ADAMTS6: variants seen among roughly 807,000 people sequenced by gnomAD.
ADAMTS6 encodes the protein ADAM metallopeptidase with thrombospondin type 1 motif 6.
A neutral mutation model predicts 144.3 loss-of-function variants in ADAMTS6; 23 were observed. The ratio of observed to expected loss-of-function variants is 0.16; its 90% CI spans 0.11 to 0.23. ADAMTS6 has a LOEUF of 0.23. Among genes scored for constraint, ADAMTS6 ranks in the 10% least tolerant of loss-of-function variants. The probability of loss-of-function intolerance (pLI) is 1.00; values close to 1 mark genes in which losing one functional copy is unlikely to be tolerated. For missense variants in ADAMTS6, 999 were observed against 1,379.6 expected (o/e 0.72, Z 4.37); for synonymous variants, 444 against 457.5 (o/e 0.97, Z 0.38).
intron 22 of ADAMTS6, among the ~76,000 whole-genome samples, chr5:65,179,981 C>T (rs1754242629): frequency 1.3e-5 from 2 of 151,976 alleles, no homozygotes; most frequent in Admixed American, 1.3e-4. Flanking sequence ...CACACACACA[C>T]ATCCCCCAGG....
At chr5:65,427,330 G>C (rs2150209620) in intron 7 of ADAMTS6, among the ~76,000 whole-genome samples, 1 of 150,972 alleles carries the variant, frequency 6.6e-6, no homozygotes, top group South Asian at 2.1e-4. Context: ...TAGAGACTGG[G>C]TCTCACTCTG....
At chr5:65,307,896 G>T (rs1356535187) in intron 9 of ADAMTS6, among the ~76,000 whole-genome samples, 3 of 152,100 alleles carry the variant, frequency 2.0e-5, no homozygotes, top group African/African-American at 7.2e-5. Context: ...TTTAAGCAAG[G>T]ATCCCATTTG....
Position 65,274,160 on chromosome 5 carries a change from A to T in ADAMTS6, c.1513-713T>A, listed in dbSNP as rs951094126. On this transcript the variant is annotated intron_variant, in intron 11 of 24. Coordinates refer to ENST00000381055, the MANE Select transcript of ADAMTS6 (RefSeq NM_197941.4). ...TACCTCAGCATAGGAAAATTACAAC[A>T]CTTATTCTAATATTGACAATATAAA... Among the ~76,000 whole-genome samples the T allele has an allele frequency of 3.7e-4, 56 of 152,128 alleles. 1 individual carries two copies. Among genetic ancestry groups the T allele is most frequent in the Non-Finnish European group, 6.9e-4 (47 of 68,014 alleles).
intron 9 of ADAMTS6, among the ~76,000 whole-genome samples, chr5:65,322,708 G>T (rs1235184884): frequency 6.6e-6 from 1 of 152,046 alleles, no homozygotes; most frequent in African/African-American, 2.4e-5. Context: ...AGGAATGCTA[G>T]TGACTTTTAC....
chr5:65,404,756 C>G (rs1361630576), intron 7 of ADAMTS6, among the ~76,000 whole-genome samples: 1 of 152,118 alleles, frequency 6.6e-6, no homozygotes, highest in East Asian at 1.9e-4. Context: ...GTTTACAGTC[C>G]CACCAACAGT....
intron 18 of ADAMTS6, among the ~76,000 whole-genome samples, chr5:65,217,192 C>G (rs1756994664): frequency 6.6e-6 from 1 of 152,128 alleles, no homozygotes; most frequent in Non-Finnish European, 1.5e-5. Context: ...AATACCTGGC[C>G]TTGAACTTTT....
chr5:65,219,588 T>TATCTGATACTAATCTAGC (rs1757166953), intron 18 of ADAMTS6, among the ~76,000 whole-genome samples: 1 of 152,162 alleles, frequency 6.6e-6, no homozygotes, highest in African/African-American at 2.4e-5. Context: ...AAGAATATTT[T>TATCTGATACTAATCTAGC]TAAGAGATGG....
At chr5:65,479,565 C>A (rs1022387979) in intron 1 of ADAMTS6, among the ~76,000 whole-genome samples, 1 of 152,194 alleles carries the variant, frequency 6.6e-6, no homozygotes, top group Non-Finnish European at 1.5e-5. Context: ...ACCTCTTCCC[C>A]TCTTTTTCTC....
Position 65,452,788 on chromosome 5 carries a change from T to A in ADAMTS6, c.762A>T (p.Thr254=). 2 of 1,614,134 alleles carry A rather than the reference T, an allele frequency of 1.2e-6. No individual in the cohort carries two copies. Among genetic ancestry groups the A allele is most frequent in the Middle Eastern group, 1.6e-4 (1 of 6,062 alleles). ...CCATCATTTTGTCTGCCACTACCAA[T>A]GTCTCCACAAACCGTTCAATGCTCA... ...RSVSIERFVE[T]LVVADKMMVG... is the part of the protein sequence containing the mutation. Residue 254 remains threonine (T), a synonymous_variant, in exon 5 of 25, where the codon ACA becomes ACT. Transcript: ENST00000381055.
chr5:65,362,357 A>G (rs1749911873), intron 7 of ADAMTS6, among the ~76,000 whole-genome samples: 1 of 152,322 alleles, frequency 6.6e-6, no homozygotes, highest in East Asian at 1.9e-4. Context: ...CATTGCTAGG[A>G]AGGCAGGTGA....
intron 23 of ADAMTS6, among the ~76,000 whole-genome samples, chr5:65,171,158 CG>C (rs1339694507): frequency 2.6e-5 from 4 of 151,980 alleles, no homozygotes; most frequent in Admixed American, 1.3e-4. Flanking sequence ...TACAGGCACC[CG>C]CCACCACATC....
In ADAMTS6 at chr5:65,187,189, A is replaced by T. The variant is rs139007826; in HGVS notation, c.2910+827T>A. On this transcript the variant is annotated intron_variant, in intron 22 of 24. Coordinates refer to ENST00000381055, the MANE Select transcript of ADAMTS6 (RefSeq NM_197941.4). Reference sequence around the variant, plus strand: ...TCTTAACACTTAACACACACTACAGAAGGCTTCAGCCCTTCTTTGGGAGAT... The same window carrying T: ...TCTTAACACTTAACACACACTACAGTAGGCTTCAGCCCTTCTTTGGGAGAT... Among the ~76,000 whole-genome samples, 86 of 152,288 alleles carry T rather than the reference A, an allele frequency of 5.6e-4. 2 individuals carry two copies. The East Asian group carries it at 0.012, about 21-fold the overall frequency.
At chr5:65,377,569 A>G (rs1046043304) in intron 7 of ADAMTS6, among the ~76,000 whole-genome samples, 1 of 152,204 alleles carries the variant, frequency 6.6e-6, no homozygotes, top group Admixed American at 6.5e-5. Context: ...GTAGATACAA[A>G]ATATTACAAA....
chr5:65,154,029 G>A (rs940741068), intron 24 of ADAMTS6, among the ~76,000 whole-genome samples: 5 of 152,038 alleles, frequency 3.3e-5, no homozygotes, highest in African/African-American at 1.2e-4. Flanking sequence ...CCAACATGGT[G>A]AAACCGCATT....
In ADAMTS6 at chr5:65,173,881, G is replaced by A. The variant is rs558947148; in HGVS notation, c.2911-873C>T. Among the ~76,000 whole-genome samples, 5 of 152,134 alleles carry A rather than the reference G, an allele frequency of 3.3e-5. 1 individual carries two copies. Among genetic ancestry groups the A allele is most frequent in the African/African-American group, 1.2e-4 (5 of 41,526 alleles). On this transcript the variant is annotated intron_variant, in intron 22 of 24. Transcript: ENST00000381055. ...CTACTAAAAATACAAAAATTAGCTG[G>A]GTGTGGTGGTGTGTGTCTGTAGCCC... is the stretch of plus-strand genomic sequence containing the variant.
At chr5:65,224,495 T>C (rs911686563) in intron 17 of ADAMTS6, 95 bp from the exon 18 acceptor site, 3 of 1,095,710 alleles carry the variant, frequency 2.7e-6, no homozygotes, top group Non-Finnish European at 2.8e-6. Flanking sequence ...ATTATTCCAT[T>C]CTCTCTTTGA....
chr5:65,285,651 T>C (rs1046082753), intron 11 of ADAMTS6, among the ~76,000 whole-genome samples: 6 of 152,048 alleles, frequency 3.9e-5, no homozygotes, highest in African/African-American at 1.5e-4. Flanking sequence ...GGGAAAGTAG[T>C]AATAAGCAAG....
At chr5:65,270,519 A>G (rs1434817620) in intron 12 of ADAMTS6, among the ~76,000 whole-genome samples, 4 of 152,172 alleles carry the variant, frequency 2.6e-5, no homozygotes, top group African/African-American at 7.2e-5. Context: ...AAGCTTCTTC[A>G]TAAGTTCAAA....
chr5:65,306,793 T>A (rs1434524286), intron 9 of ADAMTS6, among the ~76,000 whole-genome samples: 1 of 152,238 alleles, frequency 6.6e-6, no homozygotes, highest in Non-Finnish European at 1.5e-5. Context: ...AGGTTGAACA[T>A]CTTTTTATAC....
Sources: allele counts gnomAD v4.1 joint callset (sites outside exome capture counted in the v4.1 genomes callset), GRCh38; gene constraint gnomAD v4.1.1; transcripts MANE v1.5; gene names NCBI Gene and HGNC (gene_info 2026-07-23, HGNC 2026-07-21).